The following TRMT6 variants were observed in gnomAD, a reference collection of about 807,000 sequenced individuals.
TRMT6 encodes tRNA methyltransferase 6 non-catalytic subunit, also known as tRNA (adenine(58)-N(1))-methyltransferase non-catalytic subunit TRM6.
Under a neutral mutation model 59.0 loss-of-function variants are expected in TRMT6, and 34 were observed. The observed-to-expected ratio is 0.58, with a 90% CI of 0.44 to 0.77. The LOEUF (loss-of-function observed/expected upper bound fraction) is 0.77, where lower values mean the gene tolerates loss of function less well. Ranked by LOEUF, TRMT6 falls within the 30% of genes least tolerant of loss-of-function variation. The pLI, the probability that TRMT6 is intolerant of heterozygous loss-of-function variation, is 0.00. For missense variants in TRMT6, 575 were observed against 604.5 expected (o/e 0.95, Z 0.51); for synonymous variants, 217 against 210.5 (o/e 1.03, Z -0.27).
chr20:5,946,494 G>T lies in TRMT6; in HGVS notation c.168C>A (p.Asn56Lys). The T allele has an allele frequency of 6.2e-7, 1 of 1,614,050 alleles. No individual in the cohort carries two copies. The highest frequency in any genetic ancestry group is 8.5e-7 in the Non-Finnish European group (1 of 1,179,990). The change falls in exon 2 of 11, where the codon AAC (asparagine) becomes AAA (lysine). Residue 56 changes from asparagine to lysine, a missense_variant. Transcript: ENST00000203001. Reference sequence around the variant, plus strand: ...CAGTTCCATAACTATGGCCAATGACGTTATCCAGGTAGAACCACTGTTTTT... The same window carrying T: ...CAGTTCCATAACTATGGCCAATGACTTTATCCAGGTAGAACCACTGTTTTT... ...TFEKQWFYLD[N>K]VIGHSYGTAF...
At chr20:5,946,691 T>G (rs2088710130) in intron 1 of TRMT6, among the ~76,000 whole-genome samples, 158 bp from the exon 2 acceptor site, 2 of 152,192 alleles carry the variant, frequency 1.3e-5, no homozygotes, top group African/African-American at 2.4e-5. Flanking sequence ...AGAACCTGGT[T>G]GGGATAGAGA....
At chr20:5,943,715 A>C in intron 5 of TRMT6, 32 bp from the exon 6 acceptor site, 1 of 1,598,860 alleles carries the variant, frequency 6.3e-7, no homozygotes, top group Non-Finnish European at 8.5e-7. Context: ...GTTCATTTTT[A>C]GCTAAGTAAA....
In TRMT6 at chr20:5,942,590, A is replaced by G; in HGVS notation, c.864T>C (p.Ser288=). 1.2e-6 allele frequency: 2 copies of G among 1,614,084 alleles called. No individual in the cohort carries two copies. The highest frequency in any genetic ancestry group is 1.7e-6 in the Non-Finnish European group (2 of 1,180,006). The change falls in exon 7 of 11, where the codon AGT becomes AGC. Residue 288 remains serine, a synonymous_variant. Transcript: ENST00000203001. ...CCTGTTTTTCCTCCAGTGTGCCATT[A>G]CTTTCTTCAACCAAAGCACTGTCTT... ...EPKDSALVEE[S]NGTLEEKQAS...
At position 5,938,468 on chromosome 20, in the gene TRMT6, G is replaced by T. The variant is rs749879898; in HGVS notation, c.*67C>A. ...GGATATGAAAAAACAAGTAGTAATG[G>T]CATTTAAAGTTTAATTACTAACTGT... On this transcript the variant is annotated 3_prime_UTR_variant, in exon 11 of 11. Transcript: ENST00000203001. The T allele has an allele frequency of 1.2e-5, 18 of 1,454,576 alleles. No individual in the cohort carries two copies. Among genetic ancestry groups the T allele is most frequent in the Non-Finnish European group, 1.6e-5 (17 of 1,065,730 alleles). 90.1% of individuals were successfully genotyped at this position (1,454,576 alleles called of 1,614,324 possible).
In TRMT6 at chr20:5,938,686, C is replaced by G. The variant is rs1414311291; in HGVS notation, c.1343G>C (p.Gly448Ala). 1 of 1,614,224 alleles carries G rather than the reference C, an allele frequency of 6.2e-7. No homozygotes were observed. Among genetic ancestry groups the G allele is most frequent in the Non-Finnish European group, 8.5e-7 (1 of 1,180,042 alleles). The change falls in exon 11 of 11, where the codon GGA becomes GCA. Residue 448 changes from glycine (G) to alanine (A), a missense_variant. Transcript: ENST00000203001. ...GCCGGAGAGAAGATAACCCCCACCT[C>G]CACTCATCAGCAGTTTAGGATGACT... is the stretch of plus-strand genomic sequence containing the variant. ...DRSHPKLLMS[G>A]GGGYLLSGFT...
intron 7 of TRMT6, among the ~76,000 whole-genome samples, 159 bp from the exon 8 acceptor site, chr20:5,942,195 C>T (rs2088662342): frequency 6.6e-6 from 1 of 152,132 alleles, no homozygotes; most frequent in African/African-American, 2.4e-5. Context: ...ACAAGAAAGC[C>T]TATATACTAT....
At chr20:5,946,943 A>G (rs111992609) in intron 1 of TRMT6, among the ~76,000 whole-genome samples, 154 of 152,344 alleles carry the variant, frequency 1.0e-3, no homozygotes, top group African/African-American at 3.7e-3. Flanking sequence ...GTTTCCTATG[A>G]CATAGATTTT....
chr20:5,938,934 TTC>T (rs755622779), intron 10 of TRMT6, among the ~76,000 whole-genome samples: 3 of 146,424 alleles, frequency 2.0e-5, no homozygotes, highest in Admixed American at 6.8e-5. Flanking sequence ...CTTCCTTCCT[TTC>T]TCTCTCTCTC....
At chr20:5,947,791 C>T (rs1489833991) in intron 1 of TRMT6, among the ~76,000 whole-genome samples, 1 of 152,146 alleles carries the variant, frequency 6.6e-6, no homozygotes, top group African/African-American at 2.4e-5. Context: ...TGTGGTGGGT[C>T]ACACTTGTAA....
chr20:5,947,160 C>T (rs1317950561), intron 1 of TRMT6, among the ~76,000 whole-genome samples: 1 of 152,160 alleles, frequency 6.6e-6, no homozygotes, highest in Non-Finnish European at 1.5e-5. Flanking sequence ...GTATCTTGTC[C>T]AAGATTCACA....
Position 5,937,611 on chromosome 20 carries a change from A to AC in TRMT6, c.*923_*924insG. The AC allele has an allele frequency of 6.6e-6, 1 of 152,368 alleles. No homozygotes were observed. The highest frequency in any genetic ancestry group is 2.1e-4 in the South Asian group (1 of 4,832). The allele number at this position is 152,368 out of a possible 1,614,324, so 9.4% of individuals were successfully genotyped here. On this transcript the variant is annotated 3_prime_UTR_variant, in exon 11 of 11. Coordinates refer to ENST00000203001, the MANE Select transcript of TRMT6 (RefSeq NM_015939.5). The stretch of plus-strand genomic sequence containing the variant: ...AAGGAATGACACTAATACAATGAGA[A>AC]TTGGTCTAAGTCCTGCACAAGACTT...
chr20:5,942,092 G>C (rs1229156827), intron 7 of TRMT6, 56 bp from the exon 8 acceptor site: 5 of 1,397,446 alleles, frequency 3.6e-6, no homozygotes, highest in African/African-American at 1.4e-5. Context: ...CAAATTTATG[G>C]AAATGCTCTG....
intron 5 of TRMT6, 49 bp downstream of exon 5, chr20:5,943,899 T>G: frequency 1.3e-6 from 2 of 1,584,342 alleles, no homozygotes; most frequent in Non-Finnish European, 8.5e-7. Flanking sequence ...ATGACTTTCT[T>G]AAAGACATAT....
chr20:5,942,893 C>A, intron 6 of TRMT6, 107 bp from the exon 7 acceptor site: 1 of 854,006 alleles, frequency 1.2e-6, no homozygotes, highest in Non-Finnish European at 1.9e-6. Context: ...TCTATTAGTA[C>A]TTTATTCAGA....
intron 2 of TRMT6, among the ~76,000 whole-genome samples, chr20:5,945,680 C>T (rs2122607675): frequency 6.6e-6 from 1 of 152,230 alleles, no homozygotes; most frequent in Admixed American, 6.5e-5. Context: ...TTAAATGTAT[C>T]TAAATAACAG....
At position 5,950,397 on chromosome 20, in the gene TRMT6, G is replaced by A. The variant is rs922709103; in HGVS notation, c.9C>T (p.Gly3=). The A allele has an allele frequency of 1.2e-6, 2 of 1,600,572 alleles. No homozygotes were observed. Among genetic ancestry groups the A allele is most frequent in the South Asian group, 1.1e-5 (1 of 90,786 alleles). Residue 3 remains glycine, a synonymous_variant, in exon 1 of 11, where the codon GGC becomes GGT. Coordinates refer to ENST00000203001, the MANE Select transcript of TRMT6 (RefSeq NM_015939.5). ...GTTGTGGGCCCGGCTGCTCCCCTGA[G>A]CCCTCCATGACGCTCAGCCGGTCGC... ME[G]SGEQPGPQPQ...
chr20:5,947,837 G>A (rs1299171356), intron 1 of TRMT6, among the ~76,000 whole-genome samples: 2 of 152,096 alleles, frequency 1.3e-5, no homozygotes, highest in African/African-American at 4.8e-5. Flanking sequence ...GGTCACTTGA[G>A]TCCAGGAGTT....
chr20:5,940,499 G>A (rs1179678399), intron 10 of TRMT6, among the ~76,000 whole-genome samples: 3 of 152,184 alleles, frequency 2.0e-5, no homozygotes, highest in Non-Finnish European at 4.4e-5. Flanking sequence ...GAGTTACAGA[G>A]TAATATATTC....
In TRMT6 at chr20:5,938,542, T is replaced by A; in HGVS notation, c.1487A>T (p.Asp496Val). The A allele has an allele frequency of 6.2e-7, 1 of 1,613,760 alleles. No homozygotes were observed. Among genetic ancestry groups the A allele is most frequent in the Non-Finnish European group, 8.5e-7 (1 of 1,179,854 alleles). Residue 496 changes from aspartate to valine, a missense_variant, in exon 11 of 11, where the codon GAC becomes GTC. Asp to Val is a radical substitution (Grantham distance 152). Coordinates refer to ENST00000203001, the MANE Select transcript of TRMT6 (RefSeq NM_015939.5). The part of the protein sequence containing the change: ...AAKKRKCPES[D>V]S The stretch of plus-strand genomic sequence containing the variant: ...GAGCAATTCTCAAAAGGGTTAAGAG[T>A]CAGACTCTGGGCATTTTCGTTTTTT...
Sources: allele counts gnomAD v4.1 joint callset (sites outside exome capture counted in the v4.1 genomes callset), GRCh38; gene constraint gnomAD v4.1.1; transcripts MANE v1.5; gene names NCBI Gene and HGNC (gene_info 2026-07-23, HGNC 2026-07-21).